Variants in EFCAB12 observed in about 807,000 individuals in gnomAD.
EFCAB12 encodes EF-hand calcium-binding domain-containing protein 12.
Under a neutral mutation model 53.6 loss-of-function variants are expected in EFCAB12, and 43 were observed. The ratio of observed to expected loss-of-function variants is 0.80; its 90% CI spans 0.63 to 1.03. The LOEUF (loss-of-function observed/expected upper bound fraction) is 1.03. Among genes scored for constraint, EFCAB12 ranks in the 50% least tolerant of loss-of-function variants. The pLI is 0.00. For synonymous variants in EFCAB12, 269 were observed against 289.2 expected, an observed-to-expected ratio of 0.93 and a Z score of 0.71; for missense variants, 646 against 730.6, an observed-to-expected ratio of 0.88 and a Z score of 1.34.
intron 5 of EFCAB12, 105 bp from the exon 6 acceptor site, chr3:129,408,963 CCCCATGAGGG>C (rs2071994176): frequency 3.8e-6 from 5 of 1,326,444 alleles, no homozygotes; most frequent in Non-Finnish European, 4.2e-6. Context: ...CCTGCGAGGT[CCCCATGAGGG>C]GTGATGGCAA....
rs1370672361 is a variant in EFCAB12 at position 129,401,757 on chromosome 3, G to C, written c.1555C>G (p.Pro519Ala). Residue 519 changes from proline (P) to alanine (A), a missense_variant, in exon 9 of 9, where the codon CCC (proline) becomes GCC (alanine). Coordinates refer to ENST00000505956, the MANE Select transcript of EFCAB12 (RefSeq NM_207307.3). ...AGGCTCCGGTCTGTGGCCACAGTGG[G>C]CAGGTAGAGCTGCAGCTTATCCAGA... ...HLLDKLQLYLPTVATDRSLAL... is the reference protein window; with the variant it reads ...HLLDKLQLYLATVATDRSLAL... 6.2e-7 allele frequency: 1 copy of C among 1,608,314 alleles called. No homozygotes were observed. Among genetic ancestry groups the C allele is most frequent in the Non-Finnish European group, 8.5e-7 (1 of 1,177,308 alleles).
intron 2 of EFCAB12, among the ~76,000 whole-genome samples, chr3:129,419,179 GTTAA>G (rs1367426150): frequency 1.3e-5 from 2 of 152,178 alleles, no homozygotes; most frequent in Non-Finnish European, 2.9e-5. Context: ...CATGACTTTT[GTTAA>G]GCCACTTGGC....
intron 4 of EFCAB12, chr3:129,411,987 G>C (rs368711927): frequency 1.3e-5 from 2 of 152,304 alleles, no homozygotes; most frequent in African/African-American, 4.8e-5. Context: ...GAGGCGAGTG[G>C]ATCAGCTGAG....
chr3:129,418,062 C>G lies in EFCAB12; in HGVS notation c.681+192G>C, dbSNP rs377511412. ...CTGGTGCGGGGCAGATATTGAGGAT[C>G]TGATTTGGCCACAAGTTAATCCATA... On this transcript the variant is annotated intron_variant, in intron 3 of 8. Transcript: ENST00000505956. Among the ~76,000 whole-genome samples, 112 of 152,186 alleles carry G rather than the reference C, an allele frequency of 7.4e-4. 1 individual carries two copies. In the South Asian group the frequency reaches 0.022, roughly 30 times the overall value.
intron 4 of EFCAB12, chr3:129,412,779 C>A (rs752690068): frequency 1.3e-5 from 2 of 152,364 alleles, no homozygotes; most frequent in Non-Finnish European, 2.9e-5. Flanking sequence ...GCTCCAATGT[C>A]TGCTTCTCAG....
intron 1 of EFCAB12, 109 bp downstream of exon 1, chr3:129,428,331 C>T (rs1287034467): frequency 6.9e-7 from 1 of 1,451,374 alleles, no homozygotes; most frequent in Non-Finnish European, 9.5e-7. Context: ...AACCCTTCAC[C>T]CAGAGGGGGT....
chr3:129,412,467 TA>T (rs2072056986), intron 4 of EFCAB12: 1 of 145,010 alleles, frequency 6.9e-6, no homozygotes, highest in African/African-American at 2.8e-5. Flanking sequence ...GATAGATAGA[TA>T]GATAGATAGA....
chr3:129,417,005 T>C (rs1466610900), intron 3 of EFCAB12, among the ~76,000 whole-genome samples: 1 of 151,812 alleles, frequency 6.6e-6, no homozygotes, highest in Admixed American at 6.6e-5. Flanking sequence ...TAGACTAGGG[T>C]TAGCAAGTTA....
intron 7 of EFCAB12, 33 bp from the exon 8 acceptor site, chr3:129,402,612 G>A (rs763853802): frequency 6.2e-6 from 10 of 1,603,954 alleles, no homozygotes; most frequent in Admixed American, 1.7e-5. Flanking sequence ...TTTGTGAGGA[G>A]AGTGGAAATC....
At position 129,421,673 on chromosome 3, in the gene EFCAB12, G is replaced by A; in HGVS notation, c.180C>T (p.Ile60=). Residue 60 remains isoleucine, a synonymous_variant, in exon 2 of 9, where the codon ATC becomes ATT. Transcript: ENST00000505956. The stretch of plus-strand genomic sequence containing the variant: ...TCTGATCCTCCTTGCGAGGCACCAT[G>A]ATGATTCGCCGGCGGGTCTGAGGCA... The part of the protein sequence containing the change: ...FRLPQTRRRI[I]MVPRKEDQTP... 1 of 1,613,982 alleles carries A rather than the reference G, an allele frequency of 6.2e-7. No homozygotes were observed. The highest frequency in any genetic ancestry group is 1.3e-5 in the African/African-American group (1 of 75,058).
chr3:129,408,594 G>A (rs2071984412), intron 6 of EFCAB12, 51 bp downstream of exon 6: 1 of 1,543,394 alleles, frequency 6.5e-7, no homozygotes, highest in African/African-American at 1.4e-5. Flanking sequence ...CCTCACCCCA[G>A]CTCTGGGGTT....
intron 7 of EFCAB12, chr3:129,402,936 A>C: frequency 4.7e-6 from 1 of 213,380 alleles, no homozygotes; most frequent in Non-Finnish European, 9.5e-6. Context: ...CCTGGCTCCT[A>C]CTCCCCACTC....
chr3:129,428,620 T>C lies in EFCAB12; in HGVS notation c.-132A>G. The C allele has an allele frequency of 8.8e-7, 1 of 1,130,726 alleles. No homozygotes were observed. Among genetic ancestry groups the C allele is most frequent in the Non-Finnish European group, 1.2e-6 (1 of 800,058 alleles). 70.0% of individuals were successfully genotyped at this position (1,130,726 alleles called of 1,614,324 possible). ...CGTGCGAAAGGCGCTCAGCTCAGAC[T>C]GCAGAAGCAACCTGTTGCCGTGGCT... On this transcript the variant is annotated 5_prime_UTR_variant, in exon 1 of 9. Coordinates refer to ENST00000505956, the MANE Select transcript of EFCAB12 (RefSeq NM_207307.3).
At chr3:129,417,321 C>A in intron 3 of EFCAB12, among the ~76,000 whole-genome samples, 1 of 91,474 alleles carries the variant, frequency 1.1e-5, no homozygotes. Context: ...GAGACTCTGC[C>A]TCAAAAAAAA....
chr3:129,428,612 G>T lies in EFCAB12; in HGVS notation c.-124C>A. ...CTCCAAGTCGTGCGAAAGGCGCTCA[G>T]CTCAGACTGCAGAAGCAACCTGTTG... On this transcript the variant is annotated 5_prime_UTR_variant, in exon 1 of 9. The change creates a new upstream start codon in the 5' untranslated region. Coordinates refer to ENST00000505956, the MANE Select transcript of EFCAB12 (RefSeq NM_207307.3). The T allele has an allele frequency of 8.2e-7, 1 of 1,219,160 alleles. No homozygotes were observed. 75.5% of individuals were successfully genotyped at this position (1,219,160 alleles called of 1,614,324 possible).
At chr3:129,425,330 C>T (rs966623958) in intron 1 of EFCAB12, among the ~76,000 whole-genome samples, 3 of 152,054 alleles carry the variant, frequency 2.0e-5, no homozygotes, top group Non-Finnish European at 4.4e-5. Context: ...AATAAATACC[C>T]GCCTCCTTCT....
chr3:129,404,417 G>A lies in EFCAB12; in HGVS notation c.1250-14C>T. 2 of 1,610,354 alleles carry A rather than the reference G, an allele frequency of 1.2e-6. No individual in the cohort carries two copies. The highest frequency in any genetic ancestry group is 2.2e-5 in the East Asian group (1 of 44,808). ...GGTACAGCAAGGCTGTGGACAGCAA[G>A]AGAAACATCTGCACCCATCAACCCA... On this transcript the variant is annotated splice_polypyrimidine_tract_variant and intron_variant, in intron 6 of 8. Transcript: ENST00000505956.
At chr3:129,410,921 A>C (rs1485209323) in intron 5 of EFCAB12, among the ~76,000 whole-genome samples, 4 of 152,224 alleles carry the variant, frequency 2.6e-5, no homozygotes, top group Non-Finnish European at 4.4e-5. Context: ...TAATTAAAGA[A>C]TAGGGAGAGG....
Position 129,401,692 on chromosome 3 carries a change from G to C in EFCAB12, c.1620C>G (p.Tyr540Ter), listed in dbSNP as rs1292077403. The C allele has an allele frequency of 6.3e-7, 1 of 1,591,846 alleles. No individual in the cohort carries two copies. The highest frequency in any genetic ancestry group is 1.8e-5 in the Admixed American group (1 of 55,792). ...AGTGGTCAGGGTGGTAGGTGGCTGG[G>C]TAGACATGGGGCTGGTGTTGAACAC... ...FSCVQHQPHV[Y>*]PATYHPDHWW... Residue 540 changes from tyrosine (Y) to a stop codon, truncating the protein, a stop_gained, in exon 9 of 9, where the codon TAC becomes TAG. Coordinates refer to ENST00000505956, the MANE Select transcript of EFCAB12 (RefSeq NM_207307.3). LOFTEE classifies it low-confidence loss of function (END_TRUNC).
Sources: gnomAD v4.1 joint callset for allele counts (sites outside exome capture counted in the v4.1 genomes callset) on GRCh38, gnomAD v4.1.1 for gene constraint, MANE v1.5 for transcripts, NCBI Gene and HGNC (gene_info 2026-07-23, HGNC 2026-07-21) for gene names.